FHIT: variants seen among roughly 807,000 people sequenced by gnomAD.
FHIT encodes bis(5'-adenosyl)-triphosphatase.
FHIT carries 19 observed loss-of-function variants against 17.9 expected under a neutral mutation model. The ratio of observed to expected loss-of-function variants is 1.06; its 90% CI spans 0.74 to 1.56. FHIT has a LOEUF of 1.56. Among genes scored for constraint, FHIT ranks in the 40% most tolerant of loss-of-function variants. The pLI, the probability that FHIT is intolerant of heterozygous loss-of-function variation, is 0.00. For synonymous variants in FHIT, 81 were observed against 69.7 expected, an observed-to-expected ratio of 1.16 and a Z score of -0.81; for missense variants, 248 against 189.2, an observed-to-expected ratio of 1.31 and a Z score of -1.82.
At chr3:60,571,515 C>T (rs1270583832) in intron 4 of FHIT, among the ~76,000 whole-genome samples, 2 of 151,910 alleles carry the variant, frequency 1.3e-5, no homozygotes, top group Non-Finnish European at 2.9e-5. Context: ...GAAAATTTTA[C>T]AGTAAACAGG....
chr3:61,106,673 G>A (rs900441295), intron 2 of FHIT, among the ~76,000 whole-genome samples: 1 of 151,984 alleles, frequency 6.6e-6, no homozygotes, highest in African/African-American at 2.4e-5. Flanking sequence ...TTGTTTGTTT[G>A]TTTTTTGAGA....
chr3:59,974,502 GAAAC>G (rs888038203), intron 7 of FHIT, among the ~76,000 whole-genome samples: 1 of 152,086 alleles, frequency 6.6e-6, no homozygotes, highest in Non-Finnish European at 1.5e-5. Context: ...CCAAGCATGA[GAAAC>G]AAACACAGAC....
chr3:59,957,606 G>A (rs544944513), intron 7 of FHIT, among the ~76,000 whole-genome samples: 2 of 152,204 alleles, frequency 1.3e-5, no homozygotes, highest in African/African-American at 4.8e-5. Context: ...GATGATGAAT[G>A]TAATAACATC....
intron 7 of FHIT, among the ~76,000 whole-genome samples, chr3:59,990,945 CT>C (rs1709203192): frequency 6.6e-6 from 1 of 151,996 alleles, no homozygotes; most frequent in Non-Finnish European, 1.5e-5. Context: ...AAGAAGGACT[CT>C]ATAGAGTTGA....
intron 5 of FHIT, among the ~76,000 whole-genome samples, chr3:60,117,582 T>G (rs191744594): frequency 2.6e-5 from 4 of 151,590 alleles, no homozygotes; most frequent in Non-Finnish European, 5.9e-5. Context: ...GAGCTTGCTA[T>G]GGTTAATTGG....
intron 5 of FHIT, among the ~76,000 whole-genome samples, chr3:60,462,359 A>T (rs1353413845): frequency 6.6e-6 from 1 of 152,138 alleles, no homozygotes; most frequent in African/African-American, 2.4e-5. Flanking sequence ...GTTTGGTTTG[A>T]AGCCAACGGT....
intron 5 of FHIT, among the ~76,000 whole-genome samples, chr3:60,377,823 T>A (rs534634460): frequency 9.2e-5 from 14 of 152,106 alleles, no homozygotes; most frequent in Non-Finnish European, 1.9e-4. Flanking sequence ...AGAGCCTTTC[T>A]TTTTAATCCT....
intron 4 of FHIT, among the ~76,000 whole-genome samples, chr3:60,568,721 T>C (rs2107657266): frequency 6.6e-6 from 1 of 152,284 alleles, no homozygotes; most frequent in African/African-American, 2.4e-5. Flanking sequence ...ACTCAACCTT[T>C]AGGCATTTTA....
rs1189100387 is a variant in FHIT at position 60,226,472 on chromosome 3, C to CAAAAAAAAAAAAA, written c.104-212333_104-212321dup. On this transcript the variant is annotated intron_variant, in intron 5 of 9. Transcript: ENST00000492590. ...GGGCAACAAGAGTGAAACTCCGTCT[C>CAAAAAAAAAAAAA]AAAAAAAAAAAAAAAAAAAAAACAC... Among the ~76,000 whole-genome samples, 674 of 70,054 alleles carry CAAAAAAAAAAAAA rather than the reference C, an allele frequency of 9.6e-3. 102 individuals are homozygous for CAAAAAAAAAAAAA. Among genetic ancestry groups the CAAAAAAAAAAAAA allele is most frequent in the African/African-American group, 0.021 (363 of 17,254 alleles). 46.0% of individuals were successfully genotyped at this position (70,054 alleles called of 152,430 possible).
At chr3:60,353,930 C>T (rs73107058) in intron 5 of FHIT, among the ~76,000 whole-genome samples, 20,292 of 152,002 alleles carry the variant, frequency 0.13, 1,468 homozygotes, top group Non-Finnish European at 0.16. Context: ...ACCCCAAAAC[C>T]TTAACAAATT....
chr3:60,397,700 C>G (rs1284227647), intron 5 of FHIT, among the ~76,000 whole-genome samples: 1 of 152,114 alleles, frequency 6.6e-6, no homozygotes, highest in East Asian at 1.9e-4. Context: ...CAGTGCAACC[C>G]CACTTCCAAG....
intron 3 of FHIT, among the ~76,000 whole-genome samples, chr3:60,895,665 C>CTTT (rs1705758713): frequency 1.2e-4 from 13 of 107,016 alleles, no homozygotes; most frequent in East Asian, 3.2e-4. Context: ...TTCCTTCCTT[C>CTTT]CTTTCTTTCT....
At chr3:59,932,244 C>T (rs3772444) in intron 7 of FHIT, among the ~76,000 whole-genome samples, 68,019 of 152,014 alleles carry the variant, frequency 0.45, 15,325 homozygotes, top group East Asian at 0.5. Context: ...GTGATAGGCA[C>T]TGGATAAACC....
chr3:60,384,138 C>A (rs971763632), intron 5 of FHIT, among the ~76,000 whole-genome samples: 17 of 151,862 alleles, frequency 1.1e-4, no homozygotes, highest in Admixed American at 1.1e-3. Flanking sequence ...TGTGGTGCTG[C>A]GTGCCTATAA....
intron 2 of FHIT, among the ~76,000 whole-genome samples, chr3:61,149,672 G>C (rs1178522672): frequency 6.6e-6 from 1 of 152,060 alleles, no homozygotes; most frequent in Non-Finnish European, 1.5e-5. Flanking sequence ...GAGCCCAGGA[G>C]TTTGAGACCA....
chr3:59,938,467 C>G (rs1320439060), intron 7 of FHIT, among the ~76,000 whole-genome samples: 1 of 152,000 alleles, frequency 6.6e-6, no homozygotes, highest in Non-Finnish European at 1.5e-5. Flanking sequence ...AAGAACCAGT[C>G]TAGAGATCTA....
At chr3:61,054,866 C>G (rs1305555041) in intron 2 of FHIT, among the ~76,000 whole-genome samples, 1 of 152,170 alleles carries the variant, frequency 6.6e-6, no homozygotes, top group South Asian at 2.1e-4. Flanking sequence ...CCCTGGGACA[C>G]TTTGGGGTCC....
chr3:61,211,667 C>A (rs552022182), intron 1 of FHIT, among the ~76,000 whole-genome samples: 13 of 152,228 alleles, frequency 8.5e-5, no homozygotes, highest in African/African-American at 3.1e-4. Context: ...TCTCCCAGCA[C>A]GCAGCCAGAG....
chr3:61,039,913 C>T (rs1299699370), intron 3 of FHIT, among the ~76,000 whole-genome samples: 1 of 152,174 alleles, frequency 6.6e-6, no homozygotes, highest in Non-Finnish European at 1.5e-5. Flanking sequence ...GCACTTAGAA[C>T]AGAATATTAT....
Sources: gnomAD v4.1 joint callset for allele counts (sites outside exome capture counted in the v4.1 genomes callset) on GRCh38, gnomAD v4.1.1 for gene constraint, MANE v1.5 for transcripts, NCBI Gene and HGNC (gene_info 2026-07-23, HGNC 2026-07-21) for gene names.